SYNPO2L: variants seen among roughly 807,000 people sequenced by gnomAD.
SYNPO2L encodes the protein synaptopodin 2-like protein.
SYNPO2L carries 34 observed loss-of-function variants against 47.5 expected under a neutral mutation model. The observed-to-expected ratio is 0.72, with a 90% confidence interval of 0.54 to 0.95. The LOEUF (loss-of-function observed/expected upper bound fraction) is 0.95, where lower values mean the gene tolerates loss of function less well. Among genes scored for constraint, SYNPO2L ranks in the 40% least tolerant of loss-of-function variants. SYNPO2L has a pLI of 0.00. For synonymous variants in SYNPO2L, 536 were observed against 524.9 expected (o/e 1.02, Z -0.29); for missense variants, 1,246 against 1,282.0 (o/e 0.97, Z 0.43).
intron 1 of SYNPO2L, among the ~76,000 whole-genome samples, chr10:73,655,039 G>A (rs1032108044): frequency 6.6e-6 from 1 of 152,112 alleles, no homozygotes; most frequent in African/African-American, 2.4e-5. Flanking sequence ...GATTATTTGG[G>A]TATATGTGTG....
In SYNPO2L at chr10:73,648,203, G is replaced by A. The variant is rs371490472; in HGVS notation, c.1449C>T (p.Thr483=). 81 of 1,575,330 alleles carry A rather than the reference G, an allele frequency of 5.1e-5. No homozygotes were observed. The highest frequency in any genetic ancestry group is 6.0e-5 in the Non-Finnish European group (70 of 1,162,922). The change falls in exon 4 of 4, where the codon ACC becomes ACT. Residue 483 remains threonine, a synonymous_variant. Transcript: ENST00000394810. ...PGLQGQRPTT[T]SVIFRPLAPK... ...GGGCTAAAGGCCGGAAAATAACCGA[G>A]GTGGTAGTTGGCCGCTGCCCTTGTA... is the stretch of plus-strand genomic sequence containing the variant.
At chr10:73,649,853 T>A in intron 3 of SYNPO2L, 1 of 985,030 alleles carries the variant, frequency 1.0e-6, no homozygotes, top group Non-Finnish European at 1.2e-6. Context: ...AAAGTTAGAG[T>A]GTTGTTCTCC....
chr10:73,648,660 C>T lies in SYNPO2L; in HGVS notation c.992G>A (p.Ser331Asn), dbSNP rs766458470. The T allele has an allele frequency of 4.3e-6, 7 of 1,611,400 alleles. No homozygotes were observed. The highest frequency in any genetic ancestry group is 4.2e-6 in the Non-Finnish European group (5 of 1,177,692). The change falls in exon 4 of 4, where the codon AGT becomes AAT. Residue 331 changes from serine to asparagine, a missense_variant. Physicochemically the swap from Ser to Asn is conservative, Grantham distance 46. Transcript: ENST00000394810. Reference sequence around the variant, plus strand: ...GGCTTCTTCGTCCAGCTCGGACTCACTCGTGGGGGGAACGCCGTCCTCCTC... The same window carrying T: ...GGCTTCTTCGTCCAGCTCGGACTCATTCGTGGGGGGAACGCCGTCCTCCTC... ...AEEEDGVPPT[S>N]ESELDEEAFS...
At chr10:73,650,094 G>T in intron 3 of SYNPO2L, 10 of 985,420 alleles carry the variant, frequency 1.0e-5, no homozygotes, top group Non-Finnish European at 1.2e-5. Flanking sequence ...CAGGAAATGG[G>T]AGGGCTACCC....
intron 3 of SYNPO2L, chr10:73,650,290 A>G (rs2081830896): frequency 1.0e-6 from 1 of 972,546 alleles, no homozygotes; most frequent in Non-Finnish European, 1.2e-6. Context: ...AGTGGAAAGT[A>G]GATGGAACTT....
In SYNPO2L at chr10:73,648,619, T is replaced by C. The variant is rs2081806684; in HGVS notation, c.1033A>G (p.Ser345Gly). 4 of 1,613,928 alleles carry C rather than the reference T, an allele frequency of 2.5e-6. No individual in the cohort carries two copies. Among genetic ancestry groups the C allele is most frequent in the Non-Finnish European group, 3.4e-6 (4 of 1,179,924 alleles). The change falls in exon 4 of 4, where the codon AGC becomes GGC. Residue 345 changes from serine to glycine, a missense_variant. This residue lies in a region of SYNPO2L where 1,037 missense variants were observed against 1,021.5 expected (regional missense o/e 1.02). Transcript: ENST00000394810. Reference sequence around the variant, plus strand: ...TCCCAGTCAGATTGATTGGTGAGGCTGCGGGCGTCAGAGAAGGCTTCTTCG... The same window carrying C: ...TCCCAGTCAGATTGATTGGTGAGGCCGCGGGCGTCAGAGAAGGCTTCTTCG... ...LDEEAFSDAR[S>G]LTNQSDWDSP...
In SYNPO2L at chr10:73,648,787, TG is replaced by T; in HGVS notation, c.864del (p.Asn289ThrfsTer23). 1.2e-6 allele frequency: 2 copies of T among 1,607,318 alleles called. No homozygotes were observed. Among genetic ancestry groups the T allele is most frequent in the Non-Finnish European group, 1.7e-6 (2 of 1,176,210 alleles). On this transcript the variant is annotated frameshift_variant, in exon 4 of 4. Transcript: ENST00000394810. LOFTEE classifies it low-confidence loss of function (END_TRUNC). ...ATAAGTACCCCTTTGGAGTGGGGGT[TG>T]GGGGCTGCAGTGAGCAGGGATGCAA... ...RTIASLLTAA[P>X]NPHSKGVLMF...
intron 3 of SYNPO2L, among the ~76,000 whole-genome samples, chr10:73,652,407 G>A (rs942818671): frequency 1.9e-4 from 29 of 152,072 alleles, no homozygotes; most frequent in Non-Finnish European, 3.1e-4. Flanking sequence ...GGTGGCTCAC[G>A]CCTGTAATCC....
chr10:73,648,953 C>T (rs2081813907), intron 3 of SYNPO2L, 74 bp from the exon 4 acceptor site: 1 of 1,413,128 alleles, frequency 7.1e-7, no homozygotes, highest in Non-Finnish European at 9.2e-7. Flanking sequence ...AAGGCTTTCA[C>T]CCCCCATCCC....
chr10:73,649,863 C>T (rs2132420569), intron 3 of SYNPO2L: 1 of 985,350 alleles, frequency 1.0e-6, no homozygotes, highest in East Asian at 1.1e-4. Context: ...TGTTGTTCTC[C>T]AAGGCAACAC....
Position 73,647,071 on chromosome 10 carries a change from T to C in SYNPO2L, c.2581A>G (p.Met861Val). 3.1e-6 allele frequency: 5 copies of C among 1,613,916 alleles called. No homozygotes were observed. Among genetic ancestry groups the C allele is most frequent in the Non-Finnish European group, 4.2e-6 (5 of 1,179,986 alleles). ...RHQPYQLKTA[M>V]FCFDEVPPTP... ...GGGGGAACCTCATCAAAACAGAACA[T>C]GGCAGTTTTAAGTTGATAGGGCTGA... The change falls in exon 4 of 4, where the codon ATG becomes GTG. Residue 861 changes from methionine to valine, a missense_variant. Met to Val is a conservative substitution (Grantham distance 21). Transcript: ENST00000394810.
chr10:73,655,889 A>G lies in SYNPO2L; in HGVS notation c.34T>C (p.Ser12Pro). The G allele has an allele frequency of 1.3e-6, 2 of 1,551,180 alleles. No individual in the cohort carries two copies. The highest frequency in any genetic ancestry group is 1.7e-6 in the Non-Finnish European group (2 of 1,146,876). ...GAEEEVLVTL[S>P]GGAPWGFRLH... is the part of the protein sequence containing the mutation. ...CGGAAGCCCCAGGGGGCTCCCCCTG[A>G]TAGTGTGACCAGCACCTCCTCCTCA... Residue 12 changes from serine to proline, a missense_variant, in exon 1 of 4, where the codon TCA (serine) becomes CCA (proline). Coordinates refer to ENST00000394810, the MANE Select transcript of SYNPO2L (RefSeq NM_001114133.3).
Position 73,644,995 on chromosome 10 carries a change from G to T in SYNPO2L, c.*1723C>A. On this transcript the variant is annotated 3_prime_UTR_variant, in exon 4 of 4. Coordinates refer to ENST00000394810, the MANE Select transcript of SYNPO2L (RefSeq NM_001114133.3). The stretch of plus-strand genomic sequence containing the variant: ...TTACACAGCAAACGTAGCTGGTGGT[G>T]GTCTTGGTGAGAAGGGAGTCCATAC... 1 of 1,245,014 alleles carries T rather than the reference G, an allele frequency of 8.0e-7. No homozygotes were observed. Among genetic ancestry groups the T allele is most frequent in the Admixed American group, 3.4e-5 (1 of 29,758 alleles). 77.1% of individuals were successfully genotyped at this position (1,245,014 alleles called of 1,614,324 possible).
chr10:73,653,644 G>A lies in SYNPO2L; in HGVS notation c.267C>T (p.Asp89=), dbSNP rs1335238106. 1.0e-5 allele frequency: 16 copies of A among 1,542,932 alleles called. No homozygotes were observed. The highest frequency in any genetic ancestry group is 9.9e-5 in the Admixed American group (5 of 50,618). The change falls in exon 3 of 4, where the codon GAC becomes GAT. Residue 89 remains aspartate (D), a synonymous_variant. Transcript: ENST00000394810. The part of the protein sequence containing the change: ...QLVLTVQRLA[D]EGPVQSPSPH... ...GAGATGGAGATTGCACAGGACCCTC[G>A]TCTGCTAACCTGGATAGGAAAGATG...
At position 73,647,821 on chromosome 10, in the gene SYNPO2L, C is replaced by G; in HGVS notation, c.1831G>C (p.Glu611Gln). 2 of 1,591,342 alleles carry G rather than the reference C, an allele frequency of 1.3e-6. No individual in the cohort carries two copies. The highest frequency in any genetic ancestry group is 1.7e-6 in the Non-Finnish European group (2 of 1,167,550). ...GCAGCTGGCACAGAGATGCGCTGCT[C>G]GCGAGCGCTGGGGGGCTCAGGAGCC... The part of the protein sequence containing the change: ...PGAPEPPSAR[E>Q]QRISVPAART... The change falls in exon 4 of 4, where the codon GAG (glutamate) becomes CAG (glutamine). Residue 611 changes from glutamate to glutamine, a missense_variant. Transcript: ENST00000394810.
chr10:73,649,474 C>T (rs1224902157), intron 3 of SYNPO2L, among the ~76,000 whole-genome samples: 2 of 152,176 alleles, frequency 1.3e-5, no homozygotes, highest in Non-Finnish European at 2.9e-5. Flanking sequence ...TACACATTCA[C>T]AGAAATAACT....
rs759367320 is a variant in SYNPO2L, at chr10:73,655,849, GC to G, written c.73del (p.Ala25ProfsTer46). 8.4e-6 allele frequency: 13 copies of G among 1,550,472 alleles called. No homozygotes were observed. The East Asian group carries it at 1.7e-4, about 20-fold the overall frequency. ...APWGFRLHGG[A>X]EQRKPLQVSK... ...CACCTGTAACGGTTTCCTCTGCTCG[GC>G]CCCCCCATGAAGTCGGAAGCCCCAG... is the stretch of plus-strand genomic sequence containing the variant. On this transcript the variant is annotated frameshift_variant, in exon 1 of 4. Transcript: ENST00000394810. LOFTEE classifies it high-confidence loss of function.
Position 73,647,181 on chromosome 10 carries a change from G to C in SYNPO2L, c.2471C>G (p.Ala824Gly), listed in dbSNP as rs1311622203. The C allele has an allele frequency of 6.2e-7, 1 of 1,613,704 alleles. No individual in the cohort carries two copies. Among genetic ancestry groups the C allele is most frequent in the African/African-American group, 1.3e-5 (1 of 74,852 alleles). The change falls in exon 4 of 4, where the codon GCG (alanine) becomes GGG (glycine). Residue 824 changes from alanine (A) to glycine (G), a missense_variant. Transcript: ENST00000394810. ...TTGGGCCTTAGGGAGAGTTCGGGCC[G>C]CCTGGGGGAAAAAGGGAGAGAGCAG... The part of the protein sequence containing the change: ...NPLLSPFFPQ[A>G]ARTLPKAQSQ...
rs371822690 is a variant in SYNPO2L, at chr10:73,647,658, G to C, written c.1994C>G (p.Ala665Gly). 6.2e-7 allele frequency: 1 copy of C among 1,614,056 alleles called. No individual in the cohort carries two copies. Among genetic ancestry groups the C allele is most frequent in the African/African-American group, 1.3e-5 (1 of 74,940 alleles). The change falls in exon 4 of 4, where the codon GCC (alanine) becomes GGC (glycine). Residue 665 changes from alanine to glycine, a missense_variant. By Grantham distance (60) the Ala-to-Gly change is moderately conservative (BLOSUM62 0). This residue lies in a region of SYNPO2L where 1,037 missense variants were observed against 1,021.5 expected (regional missense o/e 1.02). Coordinates refer to ENST00000394810, the MANE Select transcript of SYNPO2L (RefSeq NM_001114133.3). ...TTCAGGACCAGATTCTGCACCCCCG[G>C]CCCGAGGCTTTTCATCCAGGTTCTG... ...LVQNLDEKPR[A>G]GGAESGPEED... is the part of the protein sequence containing the mutation.
Sources: allele counts gnomAD v4.1 joint callset (sites outside exome capture counted in the v4.1 genomes callset), GRCh38; gene constraint gnomAD v4.1.1; regional missense constraint gnomAD v4.1.1; transcripts MANE v1.5; gene names NCBI Gene and HGNC (gene_info 2026-07-23, HGNC 2026-07-21).